Variants in DTNA observed in about 807,000 individuals in gnomAD.
The protein encoded by DTNA is dystrobrevin alpha, also known as dystrophin-related protein 3.
A neutral mutation model predicts 100.7 loss-of-function variants in DTNA; 43 were observed. The observed-to-expected ratio is 0.43, with a 90% CI of 0.33 to 0.55. The LOEUF (loss-of-function observed/expected upper bound fraction) is 0.55. DTNA is among the 20% of genes least tolerant of loss of function. The pLI, the probability that DTNA is intolerant of heterozygous loss-of-function variation, is 0.04. For missense variants in DTNA, 798 were observed against 953.9 expected (o/e 0.84, Z 2.15); for synonymous variants, 349 against 347.9 (o/e 1.00, Z -0.04).
At chr18:34,796,194 CTCCT>C (rs2094961705) in intron 4 of DTNA, among the ~76,000 whole-genome samples, 1 of 152,246 alleles carries the variant, frequency 6.6e-6, no homozygotes, top group South Asian at 2.1e-4. Context: ...TCTGCGTTTG[CTCCT>C]TCAGCGTAGC....
intron 1 of DTNA, among the ~76,000 whole-genome samples, chr18:34,666,050 A>T (rs888117253): frequency 1.3e-5 from 2 of 152,030 alleles, no homozygotes; most frequent in Admixed American, 1.3e-4. Flanking sequence ...CAGTGTAAAA[A>T]CATTCCTATT....
chr18:34,637,677 C>T (rs1361535633), intron 1 of DTNA, among the ~76,000 whole-genome samples: 1 of 152,180 alleles, frequency 6.6e-6, no homozygotes, highest in Non-Finnish European at 1.5e-5. Flanking sequence ...GGGGCAGAGA[C>T]AGACACAGTT....
intron 1 of DTNA, among the ~76,000 whole-genome samples, chr18:34,683,101 A>G (rs1010093069): frequency 5.3e-5 from 8 of 152,278 alleles, no homozygotes; most frequent in African/African-American, 1.4e-4. Context: ...CAACATTCAC[A>G]TTTAAATCTA....
At chr18:34,758,037 G>T (rs1208653460) in intron 2 of DTNA, among the ~76,000 whole-genome samples, 1 of 152,164 alleles carries the variant, frequency 6.6e-6, no homozygotes, top group Non-Finnish European at 1.5e-5. Context: ...CAATTGGCTG[G>T]TTTCAAAGGG....
intron 19 of DTNA, among the ~76,000 whole-genome samples, chr18:34,879,001 T>C (rs572893085): frequency 2.7e-4 from 41 of 152,364 alleles, no homozygotes; most frequent in African/African-American, 8.4e-4. Context: ...AAGATAGTAG[T>C]TAATACATCA....
intron 3 of DTNA, among the ~76,000 whole-genome samples, chr18:34,778,760 C>T (rs1466443649): frequency 6.6e-6 from 1 of 152,046 alleles, no homozygotes; most frequent in African/African-American, 2.4e-5. Flanking sequence ...CAAAACAACC[C>T]TATTTGTCAA....
chr18:34,536,395 C>A (rs1005562522), intron 1 of DTNA, among the ~76,000 whole-genome samples: 1 of 151,756 alleles, frequency 6.6e-6, no homozygotes, highest in Non-Finnish European at 1.5e-5. Flanking sequence ...AGATGATGAG[C>A]GTTCTAGGTT....
At chr18:34,671,413 A>G (rs886974687) in intron 1 of DTNA, among the ~76,000 whole-genome samples, 2 of 151,966 alleles carry the variant, frequency 1.3e-5, no homozygotes, top group African/African-American at 4.8e-5. Flanking sequence ...TTTGGCTCAC[A>G]ACAAGCCCCA....
At chr18:34,544,826 G>A (rs566560874) in intron 1 of DTNA, among the ~76,000 whole-genome samples, 4 of 151,676 alleles carry the variant, frequency 2.6e-5, no homozygotes, top group Non-Finnish European at 5.9e-5. Context: ...AGGAAGCCTG[G>A]AGACTTGCAA....
At chr18:34,531,103 T>C (rs1463732693) in intron 1 of DTNA, among the ~76,000 whole-genome samples, 1 of 152,148 alleles carries the variant, frequency 6.6e-6, no homozygotes, top group Non-Finnish European at 1.5e-5. Flanking sequence ...GAGATTTGTC[T>C]GAATGGGAAC....
intron 6 of DTNA, among the ~76,000 whole-genome samples, chr18:34,812,431 T>C (rs995938476): frequency 6.6e-6 from 1 of 152,154 alleles, no homozygotes; most frequent in Non-Finnish European, 1.5e-5. Flanking sequence ...TACCCGAGAC[T>C]GGGTAATTTA....
intron 13 of DTNA, among the ~76,000 whole-genome samples, chr18:34,847,713 A>G (rs2096405143): frequency 6.6e-6 from 1 of 152,206 alleles, no homozygotes; most frequent in Non-Finnish European, 1.5e-5. Flanking sequence ...AGAGCTAAAG[A>G]GAAAACAAGC....
chr18:34,734,354 A>G (rs911846816), intron 1 of DTNA, among the ~76,000 whole-genome samples: 2 of 152,148 alleles, frequency 1.3e-5, no homozygotes, highest in East Asian at 1.9e-4. Context: ...GGCAAAAAAA[A>G]GGTTCATCAG....
At chr18:34,812,218 A>T in intron 6 of DTNA, 105 bp downstream of exon 6, 2 of 1,496,390 alleles carry the variant, frequency 1.3e-6, no homozygotes, top group Admixed American at 1.7e-5. Context: ...ATTCTGTGTG[A>T]TAGCAACCTG....
chr18:34,536,355 G>A lies in DTNA; in HGVS notation c.-2+42841G>A, dbSNP rs182271567. Among the ~76,000 whole-genome samples, 3 of 151,850 alleles carry A rather than the reference G, an allele frequency of 2.0e-5. No individual in the cohort carries two copies. The East Asian group carries it at 5.8e-4, about 30-fold the overall frequency. On this transcript the variant is annotated intron_variant, in intron 1 of 19. Transcript: ENST00000283365. ...TTTATCTGATACTATGAGCCTTTCT[G>A]CGAAATGGTTTTTCAAGTAAACTTT...
At chr18:34,516,714 G>C (rs114132775) in intron 1 of DTNA, among the ~76,000 whole-genome samples, 1 of 151,974 alleles carries the variant, frequency 6.6e-6, no homozygotes, top group Non-Finnish European at 1.5e-5. Flanking sequence ...TGTTCTGTTC[G>C]GCCCCTTAGG....
chr18:34,627,874 C>A (rs778784056), intron 1 of DTNA, among the ~76,000 whole-genome samples: 2 of 152,180 alleles, frequency 1.3e-5, no homozygotes, highest in Non-Finnish European at 2.9e-5. Context: ...GCTTATATTT[C>A]TTCTAACATT....
At chr18:34,829,011 C>G in intron 10 of DTNA, 1 of 1,613,916 alleles carries the variant, frequency 6.2e-7, no homozygotes, top group Non-Finnish European at 8.5e-7. Context: ...AGACCCCATC[C>G]TTACTGAAGG....
chr18:34,680,223 A>G (rs1034690859), intron 1 of DTNA, among the ~76,000 whole-genome samples: 3 of 152,192 alleles, frequency 2.0e-5, no homozygotes, highest in African/African-American at 7.2e-5. Flanking sequence ...TTGTCTGGCC[A>G]TGAAATGAAT....
Sources: gnomAD v4.1 joint callset for allele counts (sites outside exome capture counted in the v4.1 genomes callset) on GRCh38, gnomAD v4.1.1 for gene constraint, MANE v1.5 for transcripts, NCBI Gene and HGNC (gene_info 2026-07-23, HGNC 2026-07-21) for gene names.